The following GLCCI1 variants were observed in gnomAD, a reference collection of about 807,000 sequenced individuals.
The protein encoded by GLCCI1 is glucocorticoid-induced transcript 1 protein.
Under a neutral mutation model 52.2 loss-of-function variants are expected in GLCCI1, and 24 were observed. The observed-to-expected ratio is 0.46, with a 90% CI of 0.33 to 0.65. The LOEUF is 0.65. GLCCI1 is among the 30% of genes least tolerant of loss of function. The pLI is 0.02. For missense variants in GLCCI1, 704 were observed against 701.5 expected, an observed-to-expected ratio of 1.00 and a Z score of -0.04; for synonymous variants, 310 against 276.5, an observed-to-expected ratio of 1.12 and a Z score of -1.20.
intron 1 of GLCCI1, among the ~76,000 whole-genome samples, chr7:7,988,109 C>T (rs752529434): frequency 2.0e-5 from 3 of 152,074 alleles, no homozygotes; most frequent in Non-Finnish European, 4.4e-5. Flanking sequence ...AGAATATAGT[C>T]TTTCATCTCC....
intron 3 of GLCCI1, among the ~76,000 whole-genome samples, chr7:8,036,240 C>T (rs1211899817): frequency 1.3e-5 from 2 of 152,118 alleles, no homozygotes; most frequent in Non-Finnish European, 2.9e-5. Flanking sequence ...GTTCACATGC[C>T]CAGTACATCA....
chr7:8,081,334 A>G (rs757339820), intron 6 of GLCCI1, among the ~76,000 whole-genome samples: 13 of 152,228 alleles, frequency 8.5e-5, no homozygotes, highest in South Asian at 2.1e-4. Context: ...AAGAACCACT[A>G]TTCTATTATT....
At chr7:8,082,641 C>A (rs1026252128) in intron 6 of GLCCI1, among the ~76,000 whole-genome samples, 1 of 152,000 alleles carries the variant, frequency 6.6e-6, no homozygotes. Flanking sequence ...CCCTGCCTGT[C>A]TAGGATAGCA....
intron 1 of GLCCI1, among the ~76,000 whole-genome samples, chr7:7,999,296 A>G (rs531243670): frequency 6.6e-6 from 1 of 152,320 alleles, no homozygotes; most frequent in East Asian, 1.9e-4. Context: ...GATTGTTTAT[A>G]TATTTAACTC....
intron 6 of GLCCI1, among the ~76,000 whole-genome samples, chr7:8,072,014 G>A (rs73053566): frequency 6.6e-6 from 1 of 152,144 alleles, no homozygotes; most frequent in East Asian, 1.9e-4. Flanking sequence ...CAGATCATAA[G>A]TGCTCAGCCA....
chr7:7,976,850 C>G (rs553250747), intron 1 of GLCCI1, among the ~76,000 whole-genome samples: 1 of 151,002 alleles, frequency 6.6e-6, no homozygotes, highest in Non-Finnish European at 1.5e-5. Context: ...TGAGCCCAGG[C>G]GGCAGAGGTT....
chr7:7,994,340 C>G (rs1411746305), intron 1 of GLCCI1, among the ~76,000 whole-genome samples: 1 of 152,178 alleles, frequency 6.6e-6, no homozygotes, highest in Non-Finnish European at 1.5e-5. Flanking sequence ...TGAATTTAAA[C>G]TATTAAAATC....
At chr7:8,072,441 T>A (rs1782784124) in intron 6 of GLCCI1, among the ~76,000 whole-genome samples, 1 of 152,134 alleles carries the variant, frequency 6.6e-6, no homozygotes, top group Admixed American at 6.5e-5. Context: ...TAGTACCAGG[T>A]GTCTTTGGCT....
chr7:7,972,418 G>T (rs918123918), intron 1 of GLCCI1, among the ~76,000 whole-genome samples: 1 of 152,116 alleles, frequency 6.6e-6, no homozygotes, highest in African/African-American at 2.4e-5. Flanking sequence ...CAAGGGGTAG[G>T]TATATAGTAT....
Position 8,020,028 on chromosome 7 carries a change from A to G in GLCCI1, c.610-2455A>G, listed in dbSNP as rs115281700. On this transcript the variant is annotated intron_variant, in intron 2 of 7. Coordinates refer to ENST00000223145, the MANE Select transcript of GLCCI1 (RefSeq NM_138426.4). ...TCAGTAATGTTAACCTTAGCTTACC[A>G]TAACATTTTTACTTCATAAACTTAA... Among the ~76,000 whole-genome samples, 1,324 of 152,332 alleles carry G rather than the reference A, an allele frequency of 8.7e-3. 20 individuals are homozygous for G. The highest frequency in any genetic ancestry group is 0.03 in the African/African-American group (1,237 of 41,582).
Position 7,969,165 on chromosome 7 carries a change from C to G in GLCCI1, c.-186C>G, listed in dbSNP as rs376644051. The G allele has an allele frequency of 7.8e-5, 40 of 513,762 alleles. No individual in the cohort carries two copies. The highest frequency in any genetic ancestry group is 3.8e-4 in the South Asian group (5 of 13,146). The allele number at this position is 513,762 out of a possible 1,614,324, so 31.8% of individuals were successfully genotyped here. On this transcript the variant is annotated 5_prime_UTR_variant, in exon 1 of 8. Transcript: ENST00000223145. The surrounding 1 kb of genome is among the most constrained non-coding windows in gnomAD (Gnocchi z 4.9). ...TTGTTTTCGCAGCCTTCCCCTCCCC[C>G]CTCGCCGAGGCGGCGGGGGTGTGCG...
intron 7 of GLCCI1, among the ~76,000 whole-genome samples, chr7:8,085,809 A>C (rs1026036958): frequency 1.3e-5 from 2 of 152,210 alleles, no homozygotes; most frequent in African/African-American, 4.8e-5. Flanking sequence ...GAAAGTGTTT[A>C]AATACGTGAT....
At position 7,994,703 on chromosome 7, in the gene GLCCI1, T is replaced by G. The variant is rs202112254; in HGVS notation, c.458-9205T>G. ...GAGGGGACATTCAAGTGTAGCACCT[T>G]TCTTCCTTGCTGTCTGTCTGTCGTT... On this transcript the variant is annotated intron_variant, in intron 1 of 7. Coordinates refer to ENST00000223145, the MANE Select transcript of GLCCI1 (RefSeq NM_138426.4). Among the ~76,000 whole-genome samples the G allele has an allele frequency of 2.0e-5, 3 of 152,328 alleles. No homozygotes were observed. The East Asian group carries it at 5.8e-4, about 29-fold the overall frequency.
intron 2 of GLCCI1, among the ~76,000 whole-genome samples, chr7:8,005,174 C>T (rs1275979258): frequency 6.6e-6 from 1 of 151,834 alleles, no homozygotes; most frequent in Non-Finnish European, 1.5e-5. Context: ...GATCTGGACA[C>T]AGATAATTAA....
At chr7:8,049,020 T>A (rs765096416) in intron 3 of GLCCI1, among the ~76,000 whole-genome samples, 1 of 152,186 alleles carries the variant, frequency 6.6e-6, no homozygotes, top group African/African-American at 2.4e-5. Flanking sequence ...TAAACAAAAA[T>A]TGAAAAAGAT....
At position 7,975,883 on chromosome 7, in the gene GLCCI1, C is replaced by G. The variant is rs890355707; in HGVS notation, c.457+6076C>G. ...GGGCTTTCTTGTGTGTATTCAGAAT[C>G]GGTACTGTCCTCGAATCACTTTGTA... On this transcript the variant is annotated intron_variant, in intron 1 of 7. Transcript: ENST00000223145. Among the ~76,000 whole-genome samples the G allele has an allele frequency of 2.0e-5, 3 of 152,244 alleles. No homozygotes were observed. In the South Asian group the frequency reaches 6.2e-4, roughly 32 times the overall value.
chr7:8,008,570 C>T (rs1781202131), intron 2 of GLCCI1, among the ~76,000 whole-genome samples: 1 of 152,180 alleles, frequency 6.6e-6, no homozygotes, highest in Non-Finnish European at 1.5e-5. Flanking sequence ...GTTGGGATTA[C>T]AGGCATGAGC....
chr7:8,032,813 G>A (rs1011353260), intron 3 of GLCCI1, among the ~76,000 whole-genome samples: 27 of 151,234 alleles, frequency 1.8e-4, no homozygotes, highest in African/African-American at 6.3e-4. Context: ...TGATGAATTC[G>A]ATCAAATATT....
intron 3 of GLCCI1, among the ~76,000 whole-genome samples, chr7:8,041,729 T>C (rs547803258): frequency 6.6e-6 from 1 of 152,284 alleles, no homozygotes; most frequent in African/African-American, 2.4e-5. Flanking sequence ...TAGCTGGTAC[T>C]ACAGGCATAC....
Sources: allele counts gnomAD v4.1 joint callset (sites outside exome capture counted in the v4.1 genomes callset), GRCh38; gene constraint gnomAD v4.1.1; non-coding constraint Gnocchi (gnomAD v3.1); transcripts MANE v1.5; gene names NCBI Gene and HGNC (gene_info 2026-07-23, HGNC 2026-07-21).